The following FAM184A variants were observed in gnomAD, a reference collection of about 807,000 sequenced individuals.
FAM184A encodes protein FAM184A.
In FAM184A, 99 loss-of-function variants were observed where a neutral mutation model predicts 143.8. The ratio of observed to expected loss-of-function variants is 0.69; its 90% CI spans 0.58 to 0.81. The LOEUF is 0.81. Among genes scored for constraint, FAM184A ranks in the 40% least tolerant of loss-of-function variants. The probability of loss-of-function intolerance (pLI) is 0.00; values close to 1 mark genes in which losing one functional copy is unlikely to be tolerated. For synonymous variants in FAM184A, 427 were observed against 446.4 expected, an observed-to-expected ratio of 0.96 and a Z score of 0.55; for missense variants, 1,217 against 1,310.5, an observed-to-expected ratio of 0.93 and a Z score of 1.10.
intron 1 of FAM184A, among the ~76,000 whole-genome samples, chr6:119,145,137 G>T (rs1365020824): frequency 6.6e-6 from 1 of 152,168 alleles, no homozygotes; most frequent in Non-Finnish European, 1.5e-5. Context: ...CAGGCAGGAG[G>T]AGAATCCATC....
chr6:119,044,409 T>A lies in FAM184A; in HGVS notation c.160-19596A>T, dbSNP rs1415084706. The stretch of plus-strand genomic sequence containing the variant: ...ACTAGCCTAGGCAACAAAGCAAGAG[T>A]CTGTCTCTACGAAAAATTTAAAAGT... On this transcript the variant is annotated intron_variant, in intron 1 of 17. Coordinates refer to ENST00000338891, the MANE Select transcript of FAM184A (RefSeq NM_024581.6). Among the ~76,000 whole-genome samples, 5 of 151,682 alleles carry A rather than the reference T, an allele frequency of 3.3e-5. No individual in the cohort carries two copies. In the East Asian group the frequency reaches 9.7e-4, roughly 29 times the overall value.
chr6:119,077,548 CGACA>C (rs1203143259), intron 1 of FAM184A, among the ~76,000 whole-genome samples: 1 of 152,204 alleles, frequency 6.6e-6, no homozygotes, highest in Non-Finnish European at 1.5e-5. Context: ...AATTATCCTT[CGACA>C]GACAAACATT....
chr6:119,042,244 G>A (rs1319429446), intron 1 of FAM184A, among the ~76,000 whole-genome samples: 1 of 152,194 alleles, frequency 6.6e-6, no homozygotes, highest in African/African-American at 2.4e-5. Context: ...AGGATAATGG[G>A]AAGAAAGGGG....
At chr6:119,132,727 C>G (rs1384518873) in intron 1 of FAM184A, among the ~76,000 whole-genome samples, 2 of 152,244 alleles carry the variant, frequency 1.3e-5, no homozygotes, top group Non-Finnish European at 2.9e-5. Context: ...TAATCTTTTG[C>G]AACACAGTGA....
intron 7 of FAM184A, chr6:119,005,985 A>G (rs1784905095): frequency 4.6e-6 from 3 of 646,354 alleles, no homozygotes; most frequent in Non-Finnish European, 8.7e-6. Context: ...CCGAAGTCCT[A>G]CCCTCCCAAT....
rs1178255958 is a variant in FAM184A at position 118,979,377 on chromosome 6, T to G, written c.2443A>C (p.Lys815Gln). The G allele has an allele frequency of 1.2e-6, 2 of 1,610,210 alleles. No homozygotes were observed. The highest frequency in any genetic ancestry group is 2.7e-5 in the African/African-American group (2 of 74,714). ...TLRFELEDEG[K>Q]AMLASLRSEL... ...CTTTTCAAAATACCAAGCATAGCCT[T>G]TCCTTCATCTTCTAATTCAAACCGA... The change falls in exon 11 of 18, where the codon AAG (lysine) becomes CAG (glutamine). Residue 815 changes from lysine (K) to glutamine (Q), a missense_variant. Lys to Gln is a moderately conservative substitution (Grantham distance 53). Coordinates refer to ENST00000338891, the MANE Select transcript of FAM184A (RefSeq NM_024581.6).
At position 119,011,346 on chromosome 6, in the gene FAM184A, TC is replaced by T; in HGVS notation, c.1615del (p.Glu539LysfsTer7). ...QLQQELENLKEVLEDKLNTAN... is the reference protein window; with the variant it reads ...QLQQELENLKXVLEDKLNTAN... ...TGTATTCAACTTGTCTTCCAGTACT[TC>T]CTTTAGGTTTTCTAGCTCTTGTTGA... On this transcript the variant is annotated frameshift_variant, in exon 6 of 18. Coordinates refer to ENST00000338891, the MANE Select transcript of FAM184A (RefSeq NM_024581.6). LOFTEE classifies it high-confidence loss of function. The T allele has an allele frequency of 6.2e-7, 1 of 1,609,010 alleles. No homozygotes were observed. Among genetic ancestry groups the T allele is most frequent in the Non-Finnish European group, 8.5e-7 (1 of 1,177,746 alleles).
At chr6:119,024,882 C>A in intron 1 of FAM184A, 69 bp from the exon 2 acceptor site, 1 of 1,369,450 alleles carries the variant, frequency 7.3e-7, no homozygotes. Context: ...GAAGTCAATT[C>A]TTTCATTTGG....
At chr6:119,041,977 G>A (rs1786353591) in intron 1 of FAM184A, among the ~76,000 whole-genome samples, 1 of 152,130 alleles carries the variant, frequency 6.6e-6, no homozygotes, top group Non-Finnish European at 1.5e-5. Context: ...CACGAGGCTT[G>A]CCACCATCTT....
At chr6:119,146,636 A>T (rs1772444215) in intron 1 of FAM184A, among the ~76,000 whole-genome samples, 1 of 152,060 alleles carries the variant, frequency 6.6e-6, no homozygotes, top group Non-Finnish European at 1.5e-5. Context: ...ACTATTCATA[A>T]TACAGTCAGT....
chr6:119,082,755 G>C (rs917196241), upstream of FAM184A, among the ~76,000 whole-genome samples: 1 of 152,220 alleles, frequency 6.6e-6, no homozygotes. Context: ...TGCTTTCATG[G>C]GCCAGTGTTG....
chr6:119,065,926 C>T (rs1001904323), intron 1 of FAM184A, among the ~76,000 whole-genome samples: 8 of 152,156 alleles, frequency 5.3e-5, no homozygotes, highest in African/African-American at 1.9e-4. Flanking sequence ...TACATGAGAG[C>T]TAAGGCAGCT....
intron 1 of FAM184A, among the ~76,000 whole-genome samples, chr6:119,122,463 G>A (rs1789242438): frequency 6.6e-6 from 1 of 150,946 alleles, no homozygotes; most frequent in Admixed American, 6.6e-5. Flanking sequence ...GTGGCCAGAA[G>A]CCAGAAACAG....
At chr6:119,031,247 T>C (rs954655486) in intron 1 of FAM184A, among the ~76,000 whole-genome samples, 4 of 152,198 alleles carry the variant, frequency 2.6e-5, no homozygotes, top group African/African-American at 9.7e-5. Context: ...AAAATTCTTA[T>C]GTTGAAGCCC....
intron 3 of FAM184A, among the ~76,000 whole-genome samples, chr6:119,021,860 C>G (rs1334252816): frequency 2.0e-5 from 3 of 151,922 alleles, no homozygotes; most frequent in Non-Finnish European, 4.4e-5. Flanking sequence ...CCTGTGGTCC[C>G]AGCTACTCAG....
chr6:119,082,150 C>T (rs148103865), upstream of FAM184A, among the ~76,000 whole-genome samples: 107 of 152,310 alleles, frequency 7.0e-4, no homozygotes, highest in African/African-American at 2.5e-3. Context: ...ACACCCTTCC[C>T]CCGTTCTGTA....
Position 118,975,211 on chromosome 6 carries a change from G to GT in FAM184A, c.2584-4dup. On this transcript the variant is annotated splice_polypyrimidine_tract_variant and splice_region_variant and intron_variant, in intron 12 of 17. Coordinates refer to ENST00000338891, the MANE Select transcript of FAM184A (RefSeq NM_024581.6). ...ATTCTACATATGTGCTCCTTACTCT[G>GT]TTAAAAAAAAAAAGTCATTTTTAGA... 1 of 1,458,514 alleles carries GT rather than the reference G, an allele frequency of 6.9e-7. No individual in the cohort carries two copies. The highest frequency in any genetic ancestry group is 2.5e-5 in the East Asian group (1 of 40,788). The allele number at this position is 1,458,514 out of a possible 1,614,324, so 90.3% of individuals were successfully genotyped here.
chr6:119,006,837 T>C (rs1333964621), intron 6 of FAM184A, among the ~76,000 whole-genome samples: 1 of 152,186 alleles, frequency 6.6e-6, no homozygotes, highest in Non-Finnish European at 1.5e-5. Flanking sequence ...TGTAAAGGAA[T>C]AGATATACCT....
chr6:119,015,821 T>A (rs1474528643), intron 5 of FAM184A, among the ~76,000 whole-genome samples: 1 of 152,248 alleles, frequency 6.6e-6, no homozygotes, highest in Non-Finnish European at 1.5e-5. Context: ...AGTCTTTATG[T>A]CTAGCTCAGG....
Sources: gnomAD v4.1 joint callset for allele counts (sites outside exome capture counted in the v4.1 genomes callset) on GRCh38, gnomAD v4.1.1 for gene constraint, MANE v1.5 for transcripts, NCBI Gene and HGNC (gene_info 2026-07-23, HGNC 2026-07-21) for gene names.